TMEM33: variants seen among roughly 807,000 people sequenced by gnomAD.
TMEM33 encodes transmembrane protein 33.
A neutral mutation model predicts 29.7 loss-of-function variants in TMEM33; 16 were observed. That is an observed-to-expected ratio of 0.54 (90% confidence interval 0.36 to 0.82). The LOEUF is 0.82. TMEM33 is among the 40% of genes least tolerant of loss of function. The pLI is 0.00. For missense variants in TMEM33, 252 were observed against 295.3 expected, an observed-to-expected ratio of 0.85 and a Z score of 1.08; for synonymous variants, 112 against 109.4, an observed-to-expected ratio of 1.02 and a Z score of -0.15.
At chr4:41,941,086 T>C (rs980098097) in intron 3 of TMEM33, among the ~76,000 whole-genome samples, 2 of 152,230 alleles carry the variant, frequency 1.3e-5, no homozygotes, top group African/African-American at 4.8e-5. Flanking sequence ...ATTCAGTATA[T>C]GGAGATTCCC....
intron 6 of TMEM33, among the ~76,000 whole-genome samples, chr4:41,953,261 A>G (rs79570052): frequency 0.026 from 4,001 of 152,272 alleles, 165 homozygotes; most frequent in African/African-American, 0.09. Context: ...CATACTTCAG[A>G]AATGTTGTGG....
At chr4:41,944,695 T>C (rs1712701224) in intron 4 of TMEM33, 98 bp from the exon 5 acceptor site, 1 of 1,351,508 alleles carries the variant, frequency 7.4e-7, no homozygotes, top group Admixed American at 2.3e-5. Context: ...GTATATTTGG[T>C]TGTATTGCCT....
Position 41,959,881 on chromosome 4 carries a change from T to C in TMEM33, c.*5682T>C, listed in dbSNP as rs1433138091. On this transcript the variant is annotated 3_prime_UTR_variant, in exon 7 of 7. Transcript: ENST00000504986. ...CTTTATATAATGGCATATATTGAAC[T>C]AAAAATTTGTATATACAGTATGTCA... 1.3e-5 allele frequency: 2 copies of C among 152,184 alleles called. No individual in the cohort carries two copies. The highest frequency in any genetic ancestry group is 4.8e-5 in the African/African-American group (2 of 41,452). The allele number at this position is 152,184 out of a possible 1,614,324, so 9.4% of individuals were successfully genotyped here.
chr4:41,940,248 T>A (rs1174874589), intron 3 of TMEM33, among the ~76,000 whole-genome samples: 1 of 152,118 alleles, frequency 6.6e-6, no homozygotes, highest in African/African-American at 2.4e-5. Flanking sequence ...TAGGGTTTTT[T>A]AAACTTAAAT....
intron 1 of TMEM33, 41 bp from the exon 2 acceptor site, chr4:41,938,559 GAT>G: frequency 6.4e-7 from 1 of 1,550,934 alleles, no homozygotes; most frequent in Non-Finnish European, 8.9e-7. Flanking sequence ...TTAAAAACAT[GAT>G]TTGCAGGCAT....
At chr4:41,943,485 A>G (rs1028558365) in intron 3 of TMEM33, among the ~76,000 whole-genome samples, 21 of 151,968 alleles carry the variant, frequency 1.4e-4, no homozygotes, top group African/African-American at 5.1e-4. Context: ...AGATTACGCC[A>G]TTGCACTCCA....
chr4:41,954,053 A>C lies in TMEM33; in HGVS notation c.615-17A>C, dbSNP rs751474014. On this transcript the variant is annotated splice_polypyrimidine_tract_variant and intron_variant, in intron 6 of 6. Transcript: ENST00000504986. ...TTTTTCCTTGTGTTTCTCAAAGAAA[A>C]CTATTTTGTCTTGCAGGACCTTATT... is the stretch of plus-strand genomic sequence containing the variant. 2 of 1,611,188 alleles carry C rather than the reference A, an allele frequency of 1.2e-6. No individual in the cohort carries two copies. Among genetic ancestry groups the C allele is most frequent in the Non-Finnish European group, 1.7e-6 (2 of 1,178,170 alleles).
intron 3 of TMEM33, among the ~76,000 whole-genome samples, chr4:41,941,746 T>C (rs1325114409): frequency 6.6e-6 from 1 of 152,238 alleles, no homozygotes; most frequent in Non-Finnish European, 1.5e-5. Flanking sequence ...TAAAGTGATA[T>C]GGTAATAAAT....
In TMEM33 at chr4:41,935,547, G is replaced by A. The variant is rs369949459; in HGVS notation, c.45+18G>A. On this transcript the variant is annotated intron_variant, in intron 1 of 6. Coordinates refer to ENST00000504986, the MANE Select transcript of TMEM33 (RefSeq NM_018126.3). ...GCGCTGTGGTAAGTGCGAGGGCAGGGTAGTCTGGCTTGATTTGCAAGAGTT... is the reference window on the plus strand; with the variant it reads ...GCGCTGTGGTAAGTGCGAGGGCAGGATAGTCTGGCTTGATTTGCAAGAGTT... 1.7e-5 allele frequency: 27 copies of A among 1,599,664 alleles called. No individual in the cohort carries two copies. The African/African-American group carries it at 3.1e-4, about 18-fold the overall frequency.
chr4:41,935,501 C>G lies in TMEM33; in HGVS notation c.17C>G (p.Pro6Arg). 1 of 1,609,936 alleles carries G rather than the reference C, an allele frequency of 6.2e-7. No homozygotes were observed. Among genetic ancestry groups the G allele is most frequent in the Non-Finnish European group, 8.5e-7 (1 of 1,178,242 alleles). Residue 6 changes from proline to arginine, a missense_variant, in exon 1 of 7, where the codon CCG becomes CGG. Transcript: ENST00000504986. MADTT[P>R]NGPQGAGAVQ... is the part of the protein sequence containing the mutation. ...TGAGCCCCCATGGCAGATACGACCC[C>G]GAACGGCCCCCAAGGGGCGGGCGCT...
chr4:41,955,621 T>C lies in TMEM33; in HGVS notation c.*1422T>C, dbSNP rs1488314035. The C allele has an allele frequency of 6.6e-6, 1 of 152,650 alleles. No individual in the cohort carries two copies. Among genetic ancestry groups the C allele is most frequent in the Non-Finnish European group, 1.5e-5 (1 of 68,032 alleles). The allele number at this position is 152,650 out of a possible 1,614,324, so 9.5% of individuals were successfully genotyped here. A position where few individuals can be genotyped will look rare whatever the true frequency, so the allele number is the denominator to read the frequency against. Reference sequence around the variant, plus strand: ...TTCTTAGGATAAATACATGAAAAATTATACTTGATAGCTTAACTATAATCA... The same window carrying C: ...TTCTTAGGATAAATACATGAAAAATCATACTTGATAGCTTAACTATAATCA... On this transcript the variant is annotated 3_prime_UTR_variant, in exon 7 of 7. Coordinates refer to ENST00000504986, the MANE Select transcript of TMEM33 (RefSeq NM_018126.3).
chr4:41,938,342 A>T (rs565008492), intron 1 of TMEM33, among the ~76,000 whole-genome samples: 33 of 152,326 alleles, frequency 2.2e-4, no homozygotes, highest in African/African-American at 7.2e-4. Context: ...GCATTTTTTT[A>T]AAATGTCAGC....
chr4:41,935,175 G>A (rs12510984), upstream of TMEM33: 7 of 497,792 alleles, frequency 1.4e-5, no homozygotes, highest in Non-Finnish European at 2.2e-5. Flanking sequence ...CGGCGGCGTA[G>A]GTTGGCTCTT....
In TMEM33 at chr4:41,959,767, T is replaced by TTCCA. The variant is rs1314629777; in HGVS notation, c.*5568_*5569insTCCA. On this transcript the variant is annotated 3_prime_UTR_variant, in exon 7 of 7. Transcript: ENST00000504986. ...TTGAGCAAGTAACATTTATGATGTG[T>TTCCA]GTATATTGGAACAAATGTAAAAGGG... The TTCCA allele has an allele frequency of 5.3e-5, 8 of 152,190 alleles. No individual in the cohort carries two copies. The highest frequency in any genetic ancestry group is 1.9e-4 in the African/African-American group (8 of 41,454). 9.4% of individuals were successfully genotyped at this position (152,190 alleles called of 1,614,324 possible). A position where few individuals can be genotyped will look rare whatever the true frequency, so the allele number is the denominator to read the frequency against.
intron 3 of TMEM33, 75 bp downstream of exon 3, chr4:41,939,458 A>T (rs1199221127): frequency 4.0e-6 from 6 of 1,490,016 alleles, no homozygotes; most frequent in Non-Finnish European, 5.5e-6. Flanking sequence ...TATTTCAGCA[A>T]TGAAGGCATT....
intron 1 of TMEM33, among the ~76,000 whole-genome samples, chr4:41,937,250 A>G (rs1712288247): frequency 6.6e-6 from 1 of 152,242 alleles, no homozygotes; most frequent in African/African-American, 2.4e-5. Context: ...CTAACTTTCA[A>G]GCTGTGGTGC....
chr4:41,947,515 T>G (rs1311130745), intron 5 of TMEM33, among the ~76,000 whole-genome samples: 6 of 152,162 alleles, frequency 3.9e-5, no homozygotes, highest in African/African-American at 1.4e-4. Context: ...ATTTAAACAT[T>G]TATTTGTACA....
At chr4:41,949,173 G>A (rs1417126908) in intron 5 of TMEM33, 129 bp from the exon 6 acceptor site, 2 of 540,746 alleles carry the variant, frequency 3.7e-6, no homozygotes, top group Admixed American at 7.8e-5. Context: ...ATTTAGACAT[G>A]ATAGATTTCA....
Position 41,943,849 on chromosome 4 carries a change from T to A in TMEM33, c.396+35T>A, listed in dbSNP as rs746115814. On this transcript the variant is annotated intron_variant, in intron 4 of 6. Transcript: ENST00000504986. The stretch of plus-strand genomic sequence containing the variant: ...ACTGCTCTTTGTCTGACTTCTGAAT[T>A]ACAGATCATTGACATGAATTTGAGT... 6 of 1,584,928 alleles carry A rather than the reference T, an allele frequency of 3.8e-6. No homozygotes were observed. In the Admixed American group the frequency reaches 1.0e-4, roughly 26 times the overall value.
Sources: allele counts gnomAD v4.1 joint callset (sites outside exome capture counted in the v4.1 genomes callset), GRCh38; gene constraint gnomAD v4.1.1; transcripts MANE v1.5; gene names NCBI Gene and HGNC (gene_info 2026-07-23, HGNC 2026-07-21).